LRFN2: variants seen among roughly 807,000 people sequenced by gnomAD.
LRFN2 encodes leucine-rich repeat and fibronectin type-III domain-containing protein 2.
In LRFN2, 18 loss-of-function variants were observed where a neutral mutation model predicts 37.3. That is an observed-to-expected ratio of 0.48 (90% confidence interval 0.33 to 0.72). The LOEUF (loss-of-function observed/expected upper bound fraction) is 0.72, where lower values mean the gene tolerates loss of function less well. LRFN2 is among the 30% of genes least tolerant of loss of function. The pLI is 0.02. For missense variants in LRFN2, 1,006 were observed against 1,060.7 expected (o/e 0.95, Z 0.72); for synonymous variants, 556 against 466.6 (o/e 1.19, Z -2.47).
chr6:40,482,880 G>A (rs987654968), intron 1 of LRFN2, among the ~76,000 whole-genome samples: 1 of 152,196 alleles, frequency 6.6e-6, no homozygotes, highest in African/African-American at 2.4e-5. Flanking sequence ...GGTGGTGCAG[G>A]CCTGCCAAGG....
intron 1 of LRFN2, among the ~76,000 whole-genome samples, chr6:40,472,999 G>A (rs1187583976): frequency 3.3e-5 from 5 of 152,042 alleles, no homozygotes; most frequent in Non-Finnish European, 7.4e-5. Flanking sequence ...GGGTCTCATT[G>A]GGCGAGATGC....
At chr6:40,571,792 C>A (rs771322526) in intron 1 of LRFN2, among the ~76,000 whole-genome samples, 5 of 152,162 alleles carry the variant, frequency 3.3e-5, no homozygotes, top group African/African-American at 7.2e-5. Context: ...GGGGGAAGAG[C>A]CTTTGAGGGC....
chr6:40,490,935 T>C (rs962168122), intron 1 of LRFN2, among the ~76,000 whole-genome samples: 1 of 152,096 alleles, frequency 6.6e-6, no homozygotes, highest in African/African-American at 2.4e-5. Context: ...CTCGTCCGGA[T>C]ATATGGGCCT....
At chr6:40,556,714 T>TAC (rs1441529371) in intron 1 of LRFN2, among the ~76,000 whole-genome samples, 7 of 126,574 alleles carry the variant, frequency 5.5e-5, no homozygotes, top group Non-Finnish European at 8.3e-5. Context: ...CTTACCTACA[T>TAC]AGACACACAC....
At chr6:40,430,610 A>T (rs1446489326) in intron 2 of LRFN2, among the ~76,000 whole-genome samples, 3 of 152,018 alleles carry the variant, frequency 2.0e-5, no homozygotes, top group Non-Finnish European at 4.4e-5. Flanking sequence ...TCACTCTGTG[A>T]CCTTCTTTCC....
intron 1 of LRFN2, among the ~76,000 whole-genome samples, chr6:40,546,277 C>T (rs1375588645): frequency 6.6e-6 from 1 of 152,170 alleles, no homozygotes; most frequent in Non-Finnish European, 1.5e-5. Context: ...CTCTGATGTG[C>T]CCACTTGGTC....
Position 40,432,132 on chromosome 6 carries a change from G to A in LRFN2, c.982C>T (p.Arg328Cys), listed in dbSNP as rs376425369. ...GTCCTTGAGGAGTTCCCTACCAGGC[G>A]GTCATCGGGGGCTACCCAGTGGATA... is the stretch of plus-strand genomic sequence containing the variant. Reference protein sequence around the residue: ...PLIHWVAPDDRLVGNSSRTAV... With the variant: ...PLIHWVAPDDCLVGNSSRTAV... The change falls in exon 2 of 3, where the codon CGC (arginine) becomes TGC (cysteine). Residue 328 changes from arginine to cysteine, a missense_variant. By Grantham distance (180) the Arg-to-Cys change is radical. Transcript: ENST00000338305. 55 of 1,613,680 alleles carry A rather than the reference G, an allele frequency of 3.4e-5. No homozygotes were observed. The highest frequency in any genetic ancestry group is 3.1e-4 in the East Asian group (14 of 44,884).
chr6:40,413,935 T>C (rs1290052219), intron 2 of LRFN2, among the ~76,000 whole-genome samples: 1 of 152,156 alleles, frequency 6.6e-6, no homozygotes, highest in East Asian at 1.9e-4. Flanking sequence ...TGTTAGTAGA[T>C]TGGGCGACCA....
chr6:40,485,861 T>C (rs1235448129), intron 1 of LRFN2, among the ~76,000 whole-genome samples: 1 of 151,916 alleles, frequency 6.6e-6, no homozygotes, highest in African/African-American at 2.4e-5. Flanking sequence ...ATTTGGGAGG[T>C]GGACTTTGAA....
chr6:40,455,886 G>C (rs1764224047), intron 1 of LRFN2, among the ~76,000 whole-genome samples: 1 of 152,198 alleles, frequency 6.6e-6, no homozygotes, highest in African/African-American at 2.4e-5. Context: ...GGGTGGGCCT[G>C]ACCTAATTAG....
intron 1 of LRFN2, among the ~76,000 whole-genome samples, chr6:40,438,669 G>T (rs902731802): frequency 6.6e-6 from 1 of 152,150 alleles, no homozygotes; most frequent in Non-Finnish European, 1.5e-5. Context: ...GGTTTGCTTA[G>T]TAACTGGTGG....
At position 40,423,992 on chromosome 6, in the gene LRFN2, T is replaced by C. The variant is rs1166685555; in HGVS notation, c.1400+7722A>G. Among the ~76,000 whole-genome samples the C allele has an allele frequency of 2.0e-5, 3 of 152,332 alleles. No homozygotes were observed. The East Asian group carries it at 5.8e-4, about 29-fold the overall frequency. ...CTTTTACATGAGATGTTATAAACCC[T>C]TATGAGTTTAAGTCATACTAGTTGA... On this transcript the variant is annotated intron_variant, in intron 2 of 2. Coordinates refer to ENST00000338305, the MANE Select transcript of LRFN2 (RefSeq NM_020737.3).
rs573356871 is a variant in LRFN2, at chr6:40,393,056, G to T, written c.1401-144C>A. 1.3e-5 allele frequency: 9 copies of T among 691,832 alleles called. No homozygotes were observed. The East Asian group carries it at 2.5e-4, about 19-fold the overall frequency. The allele number at this position is 691,832 out of a possible 1,614,324, so 42.9% of individuals were successfully genotyped here. A position where few individuals can be genotyped will look rare whatever the true frequency, so the allele number is the denominator to read the frequency against. On this transcript the variant is annotated intron_variant, in intron 2 of 2. Transcript: ENST00000338305. ...CAAGACAGACACGGGGACACAGAGA[G>T]AATGGGGCAGAGGGAAAGAAAGGGA...
chr6:40,468,882 G>C (rs1339089604), intron 1 of LRFN2, among the ~76,000 whole-genome samples: 1 of 152,186 alleles, frequency 6.6e-6, no homozygotes, highest in Non-Finnish European at 1.5e-5. Context: ...GAAGTGCAGT[G>C]AGTGGCATGC....
intron 1 of LRFN2, among the ~76,000 whole-genome samples, chr6:40,477,205 CAG>C (rs1205100892): frequency 6.6e-6 from 1 of 152,174 alleles, no homozygotes; most frequent in Admixed American, 6.5e-5. Flanking sequence ...GTCTGATGAT[CAG>C]AGGGGTGGAA....
At chr6:40,405,415 C>T (rs143600387) in intron 2 of LRFN2, among the ~76,000 whole-genome samples, 19 of 152,264 alleles carry the variant, frequency 1.2e-4, no homozygotes, top group African/African-American at 3.4e-4. Flanking sequence ...TAAAATGGGG[C>T]GTTCATAATC....
At position 40,452,836 on chromosome 6, in the gene LRFN2, G is replaced by A. The variant is rs566372425; in HGVS notation, c.-18-19705C>T. 5.3e-5 allele frequency among the ~76,000 whole-genome samples: 8 copies of A among 152,292 alleles called. No homozygotes were observed. The East Asian group carries it at 1.5e-3, about 29-fold the overall frequency. ...CACACAAAGAGAGAGAGAGAAGGAA[G>A]CAGAGGGTGAGAAAGAGGAATAGGG... On this transcript the variant is annotated intron_variant, in intron 1 of 2. Transcript: ENST00000338305.
intron 1 of LRFN2, among the ~76,000 whole-genome samples, chr6:40,541,730 C>A (rs205513): frequency 0.65 from 98,530 of 152,080 alleles, 33,155 homozygotes; most frequent in African/African-American, 0.82. Context: ...AGCTGCCGCC[C>A]GTGGGAATGT....
At chr6:40,462,144 T>C (rs1359238860) in intron 1 of LRFN2, among the ~76,000 whole-genome samples, 2 of 152,168 alleles carry the variant, frequency 1.3e-5, no homozygotes, top group Non-Finnish European at 2.9e-5. Flanking sequence ...AACCAATAAA[T>C]GATTTCATTT....
Sources: allele counts gnomAD v4.1 joint callset (sites outside exome capture counted in the v4.1 genomes callset), GRCh38; gene constraint gnomAD v4.1.1; transcripts MANE v1.5; gene names NCBI Gene and HGNC (gene_info 2026-07-23, HGNC 2026-07-21).